Variants in STPG2 observed in about 807,000 individuals in gnomAD.
STPG2 encodes the protein sperm-tail PG-rich repeat-containing protein 2.
A neutral mutation model predicts 54.2 loss-of-function variants in STPG2; 56 were observed. That is an observed-to-expected ratio of 1.03 (90% CI 0.83 to 1.29). The LOEUF is 1.29. Among genes scored for constraint, STPG2 ranks in the 50% most tolerant of loss-of-function variants. STPG2 has a pLI of 0.00. For synonymous variants in STPG2, 200 were observed against 181.8 expected (o/e 1.10, Z -0.81); for missense variants, 596 against 544.9 (o/e 1.09, Z -0.93).
intron 7 of STPG2, among the ~76,000 whole-genome samples, chr4:97,957,554 C>G (rs1319233784): frequency 6.6e-6 from 1 of 152,048 alleles, no homozygotes; most frequent in Non-Finnish European, 1.5e-5. Context: ...CATCCAAATA[C>G]AAGAAGCTGA....
At chr4:97,679,571 T>A (rs1722962565) in intron 10 of STPG2, among the ~76,000 whole-genome samples, 1 of 145,254 alleles carries the variant, frequency 6.9e-6, no homozygotes, top group Admixed American at 6.7e-5. Flanking sequence ...TCCCATTTTG[T>A]AGGTTGCCTG....
At chr4:97,646,304 T>C (rs1721910469) in intron 10 of STPG2, among the ~76,000 whole-genome samples, 1 of 152,142 alleles carries the variant, frequency 6.6e-6, no homozygotes, top group African/African-American at 2.4e-5. Flanking sequence ...TATCCACCAT[T>C]TGTATATCAA....
At chr4:97,459,423 G>C (rs1363559027) in intron 4 of STPG2, among the ~76,000 whole-genome samples, 1 of 150,484 alleles carries the variant, frequency 6.6e-6, no homozygotes, top group Non-Finnish European at 1.5e-5. Flanking sequence ...CAATTCAAAG[G>C]ATGCCTGTTT....
intron 9 of STPG2, among the ~76,000 whole-genome samples, chr4:97,819,089 G>A (rs1222294556): frequency 6.6e-6 from 1 of 151,350 alleles, no homozygotes; most frequent in Non-Finnish European, 1.5e-5. Context: ...TTCGAATAAA[G>A]ATATAGAATC....
At chr4:97,764,813 T>C (rs1725990927) in intron 9 of STPG2, among the ~76,000 whole-genome samples, 1 of 152,112 alleles carries the variant, frequency 6.6e-6, no homozygotes, top group Non-Finnish European at 1.5e-5. Context: ...AGAATCTAAA[T>C]TCCATGGAGT....
intron 10 of STPG2, among the ~76,000 whole-genome samples, chr4:97,574,873 T>C (rs1285003366): frequency 1.3e-5 from 2 of 151,910 alleles, no homozygotes; most frequent in Non-Finnish European, 2.9e-5. Context: ...CCAATGTATA[T>C]GTAAAAAATT....
At chr4:98,031,967 C>T (rs1449202788) in intron 5 of STPG2, among the ~76,000 whole-genome samples, 11 of 152,076 alleles carry the variant, frequency 7.2e-5, no homozygotes, top group Admixed American at 7.2e-4. Context: ...TGAAAAAATG[C>T]TCAACATCAC....
intron 5 of STPG2, among the ~76,000 whole-genome samples, chr4:98,032,941 G>A (rs1736645860): frequency 6.6e-6 from 1 of 152,178 alleles, no homozygotes; most frequent in African/African-American, 2.4e-5. Context: ...ATTTAAAGCA[G>A]TGTGTAGAGG....
rs149484886 is a variant in STPG2 at position 97,840,921 on chromosome 4, C to T, written c.1056G>A (p.Ala352=). 3.5e-5 allele frequency: 57 copies of T among 1,609,746 alleles called. No individual in the cohort carries two copies. Among genetic ancestry groups the T allele is most frequent in the African/African-American group, 2.4e-4 (18 of 74,598 alleles). Reference sequence around the variant, plus strand: ...ATTTGTGAACATCATAGCTGCCTGGCGCTGGAATAACCTGAAAAAAAATTT... The same window carrying T: ...ATTTGTGAACATCATAGCTGCCTGGTGCTGGAATAACCTGAAAAAAAATTT... ...TMKVPDMVIP[A]PGSYDVHKSY... Residue 352 remains alanine (A), a synonymous_variant, in exon 9 of 11, where the codon GCG becomes GCA. Coordinates refer to ENST00000295268, the MANE Select transcript of STPG2 (RefSeq NM_174952.3).
intron 10 of STPG2, among the ~76,000 whole-genome samples, chr4:97,695,446 C>A (rs181011936): frequency 6.6e-6 from 1 of 152,176 alleles, no homozygotes; most frequent in Admixed American, 6.5e-5. Context: ...GACAAGGATG[C>A]GCACTTTCAC....
At chr4:98,134,166 C>A (rs1334235287) in intron 2 of STPG2, among the ~76,000 whole-genome samples, 181 bp downstream of exon 2, 2 of 151,794 alleles carry the variant, frequency 1.3e-5, no homozygotes, top group African/African-American at 4.8e-5. Flanking sequence ...TGAAAAACAT[C>A]CAACCCAATC....
At chr4:97,929,891 C>T (rs907184365) in intron 8 of STPG2, among the ~76,000 whole-genome samples, 1 of 151,862 alleles carries the variant, frequency 6.6e-6, no homozygotes, top group Non-Finnish European at 1.5e-5. Context: ...ATCCCATCTT[C>T]CAGTTTTTTT....
intron 6 of STPG2, among the ~76,000 whole-genome samples, chr4:97,973,044 G>A (rs1365296547): frequency 6.6e-6 from 1 of 152,154 alleles, no homozygotes; most frequent in East Asian, 1.9e-4. Context: ...TGAAAATGTT[G>A]AAGCAACTTT....
chr4:98,027,670 A>G (rs1736468781), intron 5 of STPG2, among the ~76,000 whole-genome samples: 1 of 152,190 alleles, frequency 6.6e-6, no homozygotes, highest in South Asian at 2.1e-4. Flanking sequence ...ATCTCAAGCA[A>G]TCTCAAAACC....
chr4:97,618,573 T>C (rs140732967), intron 10 of STPG2, among the ~76,000 whole-genome samples: 39 of 152,316 alleles, frequency 2.6e-4, no homozygotes, highest in African/African-American at 8.9e-4. Flanking sequence ...ATGAGTACTT[T>C]TATGGTTCTA....
At chr4:98,061,673 C>G (rs1328324214) in intron 5 of STPG2, among the ~76,000 whole-genome samples, 2 of 152,050 alleles carry the variant, frequency 1.3e-5, no homozygotes, top group Admixed American at 6.6e-5. Context: ...GACATACATG[C>G]AACCAACAAT....
chr4:97,898,441 C>G (rs564704743), intron 8 of STPG2, among the ~76,000 whole-genome samples: 4 of 150,856 alleles, frequency 2.7e-5, no homozygotes, highest in Non-Finnish European at 5.9e-5. Flanking sequence ...AATACTTGAA[C>G]TTCTAGATTT....
intron 4 of STPG2, among the ~76,000 whole-genome samples, chr4:97,466,675 T>C (rs1729795447): frequency 6.6e-6 from 1 of 152,120 alleles, no homozygotes; most frequent in South Asian, 2.1e-4. Context: ...TTTATGGTTA[T>C]ATTATTCATA....
intron 4 of STPG2, among the ~76,000 whole-genome samples, chr4:97,458,423 TTCTC>T (rs1457725456): frequency 1.3e-5 from 2 of 152,168 alleles, no homozygotes; most frequent in African/African-American, 4.8e-5. Flanking sequence ...TATGCTTTCT[TTCTC>T]AAACTCATAA....
Sources: allele counts gnomAD v4.1 joint callset (sites outside exome capture counted in the v4.1 genomes callset), GRCh38; gene constraint gnomAD v4.1.1; transcripts MANE v1.5; gene names NCBI Gene and HGNC (gene_info 2026-07-23, HGNC 2026-07-21).